Variants in TBC1D8B observed in about 807,000 individuals in gnomAD.
TBC1D8B encodes RP11-321G1.1.
TBC1D8B carries 75 observed loss-of-function variants against 82.9 expected under a neutral mutation model. The observed-to-expected ratio is 0.90, with a 90% confidence interval of 0.75 to 1.10. TBC1D8B has a LOEUF of 1.10. Among genes scored for constraint, TBC1D8B ranks in the 50% least tolerant of loss-of-function variants. The pLI is 0.00. For synonymous variants in TBC1D8B, 276 were observed against 276.8 expected (o/e 1.00, Z 0.03); for missense variants, 794 against 796.9 (o/e 1.00, Z 0.04).
intron 16 of TBC1D8B, 69 bp from the exon 17 acceptor site, chrX:106,866,728 C>T (rs1314085662): frequency 1.2e-6 from 1 of 811,977 alleles, no homozygotes; most frequent in Non-Finnish European, 1.7e-6. Context: ...CTTAATTAAT[C>T]TTTGTTGCTG....
intron 1 of TBC1D8B, among the ~76,000 whole-genome samples, chrX:106,803,595 A>G (rs1931099390): frequency 9.0e-6 from 1 of 111,263 alleles, no homozygotes; most frequent in African/African-American, 3.3e-5. Context: ...CAAGTTTTCA[A>G]TCTTTGGGAT....
intron 5 of TBC1D8B, among the ~76,000 whole-genome samples, chrX:106,825,175 A>G (rs1352257548): frequency 8.9e-6 from 1 of 111,781 alleles, no homozygotes; most frequent in Non-Finnish European, 1.9e-5. Flanking sequence ...TGAGGTAAAA[A>G]TTAACATGGT....
intron 10 of TBC1D8B, 83 bp from the exon 11 acceptor site, chrX:106,848,103 T>A (rs945511673): frequency 1.7e-6 from 1 of 594,984 alleles, no homozygotes; most frequent in African/African-American, 2.3e-5. Flanking sequence ...TTCTTGTTGC[T>A]GTCAAAAACT....
At position 106,845,606 on chromosome X, in the gene TBC1D8B, G is replaced by A. The variant is rs769920648; in HGVS notation, c.1720-2580G>A. Reference sequence around the variant, plus strand: ...TTCTAGTCTTTATCACTTTCTGCTCGCACAAAGCTGGAAGATTAGCTGGAG... The same window carrying A: ...TTCTAGTCTTTATCACTTTCTGCTCACACAAAGCTGGAAGATTAGCTGGAG... On this transcript the variant is annotated intron_variant, in intron 10 of 20. Coordinates refer to ENST00000357242, the MANE Select transcript of TBC1D8B (RefSeq NM_017752.3). 1.2e-3 allele frequency among the ~76,000 whole-genome samples: 132 copies of A among 110,364 alleles called. 1 individual carries two copies. Among genetic ancestry groups the A allele is most frequent in the African/African-American group, 3.4e-3 (102 of 30,298 alleles).
intron 6 of TBC1D8B, among the ~76,000 whole-genome samples, chrX:106,826,963 A>T (rs980038004): frequency 9.0e-6 from 1 of 111,348 alleles, no homozygotes; most frequent in Non-Finnish European, 1.9e-5. Context: ...TAAAGGATAC[A>T]TGTTAGACCT....
chrX:106,847,875 T>C lies in TBC1D8B; in HGVS notation c.1720-311T>C, dbSNP rs1255510639. On this transcript the variant is annotated intron_variant, in intron 10 of 20. Transcript: ENST00000357242. ...GTCTTTGAAAATTATGTAGGCTTTT[T>C]TCAGATTAGTGATAATTAAGGTTTT... 5.4e-5 allele frequency among the ~76,000 whole-genome samples: 6 copies of C among 112,025 alleles called. No individual in the cohort carries two copies. In the Admixed American group the frequency reaches 5.7e-4, roughly 11 times the overall value.
intron 7 of TBC1D8B, among the ~76,000 whole-genome samples, chrX:106,838,166 A>C (rs1932220596): frequency 9.0e-6 from 1 of 110,887 alleles, no homozygotes; most frequent in Non-Finnish European, 1.9e-5. Flanking sequence ...TTATTTTTTT[A>C]AACATAGTTT....
Position 106,823,381 on chromosome X carries a change from G to T in TBC1D8B, c.742G>T (p.Ala248Ser), listed in dbSNP as rs140106583. The change falls in exon 5 of 21, where the codon GCA (alanine) becomes TCA (serine). Residue 248 changes from alanine to serine, a missense_variant. Physicochemically the swap from Ala to Ser is moderately conservative, Grantham distance 99. Transcript: ENST00000357242. Reference sequence around the variant, plus strand: ...AACATACCTTCTTATGGAACAGCTGGCAAACTATGCCATTAGAAGACTTTT... The same window carrying T: ...AACATACCTTCTTATGGAACAGCTGTCAAACTATGCCATTAGAAGACTTTT... The part of the protein sequence containing the change: ...NQTYLLMEQL[A>S]NYAIRRLFDK... 491 of 1,208,545 alleles carry T rather than the reference G, an allele frequency of 4.1e-4. No individual in the cohort carries two copies. Among genetic ancestry groups the T allele is most frequent in the Non-Finnish European group, 4.9e-4 (441 of 894,236 alleles).
rs1932251485 is a variant in TBC1D8B, at chrX:106,839,414, C to T, written c.1310C>T (p.Thr437Ile). ...SKTVNTEALM[T>I]VFHPQNLETL... The stretch of plus-strand genomic sequence containing the variant: ...ACTGTGAACACTGAAGCCTTAATGA[C>T]AGTATTTCACCCTCAGAATTTGGAG... Residue 437 changes from threonine (T) to isoleucine (I), a missense_variant, in exon 8 of 21, where the codon ACA becomes ATA. By Grantham distance (89) the Thr-to-Ile change is moderately conservative (BLOSUM62 -1). Transcript: ENST00000357242. 1.7e-6 allele frequency: 2 copies of T among 1,179,398 alleles called. No homozygotes were observed. Among genetic ancestry groups the T allele is most frequent in the African/African-American group, 3.5e-5 (2 of 57,005 alleles).
chrX:106,862,102 T>C (rs1170604324), intron 14 of TBC1D8B, among the ~76,000 whole-genome samples: 1 of 112,288 alleles, frequency 8.9e-6, no homozygotes. Flanking sequence ...TTCTGCTGAA[T>C]AGTACACTGT....
chrX:106,868,558 A>G (rs980712374), intron 18 of TBC1D8B, 82 bp downstream of exon 18: 1 of 614,978 alleles, frequency 1.6e-6, no homozygotes, highest in Non-Finnish European at 2.3e-6. Context: ...ACTTTACCCA[A>G]CTAAAATTGG....
intron 14 of TBC1D8B, among the ~76,000 whole-genome samples, chrX:106,862,546 G>A (rs143463009): frequency 1.6e-3 from 181 of 110,451 alleles, no homozygotes; most frequent in African/African-American, 5.6e-3. Context: ...ACATTCTCCT[G>A]AATCTCAATG....
intron 1 of TBC1D8B, among the ~76,000 whole-genome samples, chrX:106,805,691 C>G (rs1931166281): frequency 8.9e-6 from 1 of 111,908 alleles, no homozygotes; most frequent in Non-Finnish European, 1.9e-5. Context: ...CAAAGAGGTG[C>G]TTTTAAGGTT....
intron 1 of TBC1D8B, among the ~76,000 whole-genome samples, chrX:106,804,739 C>CA (rs751955383): frequency 4.5e-5 from 5 of 110,198 alleles, no homozygotes; most frequent in Admixed American, 1.9e-4. Flanking sequence ...CCCATCTCTA[C>CA]AAAAAATACT....
intron 13 of TBC1D8B, among the ~76,000 whole-genome samples, chrX:106,853,984 G>T (rs1229094468): frequency 9.0e-6 from 1 of 111,304 alleles, no homozygotes; most frequent in African/African-American, 3.3e-5. Context: ...TTTGTACTTA[G>T]TCTATTCACA....
chrX:106,844,067 A>C (rs1372403533), intron 10 of TBC1D8B, among the ~76,000 whole-genome samples: 5 of 111,347 alleles, frequency 4.5e-5, no homozygotes, highest in Non-Finnish European at 9.4e-5. Context: ...GTGTTCTGTA[A>C]GTTTGCTAAG....
At chrX:106,842,783 C>T (rs987253337) in intron 10 of TBC1D8B, among the ~76,000 whole-genome samples, 1 of 110,882 alleles carries the variant, frequency 9.0e-6, no homozygotes, top group Non-Finnish European at 1.9e-5. Context: ...CAAACCTTCA[C>T]CATTATCTAA....
At chrX:106,809,884 C>CAAAAAA (rs1234195385) in intron 1 of TBC1D8B, among the ~76,000 whole-genome samples, 1 of 36,794 alleles carries the variant, frequency 2.7e-5, no homozygotes. Flanking sequence ...GACTCCGTCT[C>CAAAAAA]AAAAAAAAAA....
chrX:106,863,155 G>C (rs991183344), intron 14 of TBC1D8B, among the ~76,000 whole-genome samples: 2 of 112,251 alleles, frequency 1.8e-5, no homozygotes, highest in South Asian at 3.7e-4. Context: ...CTGGGTGCTC[G>C]TAGGAGCCTT....
Sources: gnomAD v4.1 joint callset for allele counts (sites outside exome capture counted in the v4.1 genomes callset) on GRCh38, gnomAD v4.1.1 for gene constraint, MANE v1.5 for transcripts, NCBI Gene and HGNC (gene_info 2026-07-23, HGNC 2026-07-21) for gene names.